SETD4: variants seen among roughly 807,000 people sequenced by gnomAD.
SETD4 encodes the protein SET domain-containing protein 4.
A neutral mutation model predicts 58.3 loss-of-function variants in SETD4; 46 were observed. The observed-to-expected ratio is 0.79, with a 90% CI of 0.62 to 1.01. The LOEUF (loss-of-function observed/expected upper bound fraction) is 1.01, where lower values mean the gene tolerates loss of function less well. Among genes scored for constraint, SETD4 ranks in the 50% least tolerant of loss-of-function variants. SETD4 has a pLI of 0.00. For missense variants in SETD4, 490 were observed against 523.3 expected (o/e 0.94, Z 0.62); for synonymous variants, 190 against 202.6 (o/e 0.94, Z 0.53).
chr21:36,043,517 C>T, intron 7 of SETD4: 1 of 1,296,294 alleles, frequency 7.7e-7, no homozygotes, highest in Non-Finnish European at 9.8e-7. Context: ...GTATTTATTT[C>T]CTTAGCAGTT....
chr21:36,036,306 A>G, intron 10 of SETD4, 55 bp from the exon 11 acceptor site: 1 of 1,363,808 alleles, frequency 7.3e-7, no homozygotes, highest in Non-Finnish European at 9.6e-7. Flanking sequence ...TATATATTTC[A>G]CAGAACGTAC....
At chr21:36,058,967 G>T (rs2051395) in intron 1 of SETD4, 43 bp from the exon 2 acceptor site, 615,357 of 1,446,974 alleles carry the variant, frequency 0.43, 134,812 homozygotes, top group Admixed American at 0.48. Flanking sequence ...CTGTGGAAAT[G>T]CTCAATCTAA....
intron 3 of SETD4, among the ~76,000 whole-genome samples, chr21:36,056,475 G>C (rs139957946): frequency 1.3e-5 from 2 of 152,194 alleles, no homozygotes; most frequent in African/African-American, 4.8e-5. Context: ...TGTGGGAAGA[G>C]TGGAGTGGCC....
At chr21:36,053,535 A>G in intron 4 of SETD4, 48 bp downstream of exon 4, 1 of 1,606,410 alleles carries the variant, frequency 6.2e-7, no homozygotes, top group South Asian at 1.1e-5. Context: ...GCAAAAACAA[A>G]GCAGCAAAAT....
At chr21:36,046,116 C>T (rs2064316682) in intron 5 of SETD4, 105 bp from the exon 6 acceptor site, 2 of 1,210,988 alleles carry the variant, frequency 1.7e-6, no homozygotes, top group Non-Finnish European at 2.3e-6. Context: ...AAACTGTCAA[C>T]ACACTCAGTT....
chr21:36,041,699 G>A, intron 8 of SETD4, 108 bp downstream of exon 8: 1 of 704,692 alleles, frequency 1.4e-6, no homozygotes, highest in East Asian at 2.8e-5. Flanking sequence ...CTACCCGTCA[G>A]CTGATACAGG....
At position 36,034,725 on chromosome 21, in the gene SETD4, G is replaced by T. The variant is rs1269218768; in HGVS notation, c.*1268C>A. The T allele has an allele frequency of 6.6e-6, 1 of 152,174 alleles. No homozygotes were observed. The highest frequency in any genetic ancestry group is 1.5e-5 in the Non-Finnish European group (1 of 68,044). 9.4% of individuals were successfully genotyped at this position (152,174 alleles called of 1,614,324 possible). A position where few individuals can be genotyped will look rare whatever the true frequency, so the allele number is the denominator to read the frequency against. On this transcript the variant is annotated 3_prime_UTR_variant, in exon 12 of 12. Coordinates refer to ENST00000332131, the MANE Select transcript of SETD4 (RefSeq NM_017438.5). Reference sequence around the variant, plus strand: ...TTCCCTGGAGCCCAGCCATGCAAATGGTTGACATGCTGCCGATGGCCGCTC... The same window carrying T: ...TTCCCTGGAGCCCAGCCATGCAAATTGTTGACATGCTGCCGATGGCCGCTC...
At chr21:36,051,115 C>T in intron 4 of SETD4, 1 of 1,420,752 alleles carries the variant, frequency 7.0e-7, no homozygotes, top group Admixed American at 1.7e-5. Context: ...GGTATCAGAG[C>T]AGACTATACT....
rs148547524 is a variant in SETD4, at chr21:36,039,604, C to T, written c.1064+971G>A. 1.6e-4 allele frequency among the ~76,000 whole-genome samples: 25 copies of T among 152,276 alleles called. No homozygotes were observed. The East Asian group carries it at 4.4e-3, about 27-fold the overall frequency. On this transcript the variant is annotated intron_variant, in intron 9 of 11. Transcript: ENST00000332131. ...ACTGCAGGAATGGGCCAGTGCGAAACCGCATGTCCCAACACTAGGTACGTT... is the reference window on the plus strand; with the variant it reads ...ACTGCAGGAATGGGCCAGTGCGAAATCGCATGTCCCAACACTAGGTACGTT...
Position 36,035,803 on chromosome 21 carries a change from C to T in SETD4, c.*190G>A. ...TCTCCTCACAGTTCAGCACTTTATT[C>T]GGAAGAGCATTAGACCTGCCATCCA... On this transcript the variant is annotated 3_prime_UTR_variant, in exon 12 of 12. Coordinates refer to ENST00000332131, the MANE Select transcript of SETD4 (RefSeq NM_017438.5). The T allele has an allele frequency of 2.8e-6, 1 of 359,608 alleles. No individual in the cohort carries two copies. Among genetic ancestry groups the T allele is most frequent in the South Asian group, 2.6e-5 (1 of 38,146 alleles). The allele number at this position is 359,608 out of a possible 1,614,324, so 22.3% of individuals were successfully genotyped here.
At position 36,058,920 on chromosome 21, in the gene SETD4, C is replaced by T; in HGVS notation, c.-32G>A. 6.4e-7 allele frequency: 1 copy of T among 1,561,130 alleles called. No individual in the cohort carries two copies. The highest frequency in any genetic ancestry group is 8.6e-7 in the Non-Finnish European group (1 of 1,158,580). ...ACTGTAGTTTCTTTTTTCTGAAATA[C>T]AGTTCTATTTTTTCAAAAAGGACAA... On this transcript the variant is annotated 5_prime_UTR_variant, in exon 2 of 12. Coordinates refer to ENST00000332131, the MANE Select transcript of SETD4 (RefSeq NM_017438.5).
Position 36,057,188 on chromosome 21 carries a change from C to T in SETD4, c.90G>A (p.Lys30=). 1.2e-6 allele frequency: 2 copies of T among 1,614,132 alleles called. No homozygotes were observed. Among genetic ancestry groups the T allele is most frequent in the Admixed American group, 3.3e-5 (2 of 60,034 alleles). ...SESRGVNESH[K]SEFIELRKWL... ...ACTTCCTCAGCTCTATAAATTCAGA[C>T]TTGTGGCTCTCATTCACTATCAGGC... The change falls in exon 3 of 12, where the codon AAG becomes AAA. Residue 30 remains lysine, a synonymous_variant. Coordinates refer to ENST00000332131, the MANE Select transcript of SETD4 (RefSeq NM_017438.5).
chr21:36,046,627 A>G (rs2064344303), intron 5 of SETD4, among the ~76,000 whole-genome samples: 1 of 152,198 alleles, frequency 6.6e-6, no homozygotes, highest in African/African-American at 2.4e-5. Context: ...ACCAACCTAA[A>G]CCAAAACTGA....
At chr21:36,037,254 C>CAT (rs2063822947) in intron 10 of SETD4, among the ~76,000 whole-genome samples, 1 of 151,924 alleles carries the variant, frequency 6.6e-6, no homozygotes, top group South Asian at 2.1e-4. Flanking sequence ...ACGATGTATA[C>CAT]CTATTTTAAA....
At chr21:36,040,977 G>C (rs918732397) in intron 8 of SETD4, among the ~76,000 whole-genome samples, 1 of 151,792 alleles carries the variant, frequency 6.6e-6, no homozygotes, top group African/African-American at 2.4e-5. Context: ...TGGCTAACAC[G>C]GTGAAACCCC....
At chr21:36,049,882 G>A (rs576728786) in intron 4 of SETD4, among the ~76,000 whole-genome samples, 142 of 152,262 alleles carry the variant, frequency 9.3e-4, no homozygotes, top group African/African-American at 3.3e-3. Flanking sequence ...CTGCATACAT[G>A]ACATTTCTCA....
intron 1 of SETD4, 59 bp downstream of exon 1, chr21:36,060,288 G>A (rs543957812): frequency 2.5e-5 from 8 of 322,746 alleles, no homozygotes; most frequent in Admixed American, 1.3e-4. Context: ...GCACCCCGCC[G>A]ACTCTGCTCC....
chr21:36,057,413 G>A (rs1354406685), intron 2 of SETD4: 4 of 713,698 alleles, frequency 5.6e-6, no homozygotes, highest in South Asian at 3.0e-5. Context: ...GGGAGGCCAA[G>A]GCGGGAGGAC....
At chr21:36,057,447 C>T in intron 2 of SETD4, 2 of 660,672 alleles carry the variant, frequency 3.0e-6, no homozygotes, top group South Asian at 3.5e-5. Flanking sequence ...GAGTTTGAGC[C>T]CAGCCTGCCC....
Sources: allele counts gnomAD v4.1 joint callset (sites outside exome capture counted in the v4.1 genomes callset), GRCh38; gene constraint gnomAD v4.1.1; transcripts MANE v1.5; gene names NCBI Gene and HGNC (gene_info 2026-07-23, HGNC 2026-07-21).